U2SURP: variants seen among roughly 807,000 people sequenced by gnomAD.
The protein encoded by U2SURP is U2 snRNP-associated SURP motif-containing protein.
Under a neutral mutation model 144.9 loss-of-function variants are expected in U2SURP, and 9 were observed. That is an observed-to-expected ratio of 0.06 (90% confidence interval 0.04 to 0.11). The LOEUF (loss-of-function observed/expected upper bound fraction) is 0.11. Among genes scored for constraint, U2SURP ranks in the 10% least tolerant of loss-of-function variants. U2SURP has a pLI of 1.00. For missense variants in U2SURP, 724 were observed against 1,226.7 expected, an observed-to-expected ratio of 0.59 and a Z score of 6.12; for synonymous variants, 408 against 396.8, an observed-to-expected ratio of 1.03 and a Z score of -0.33.
Position 143,036,077 on chromosome 3 carries a change from A to G in U2SURP, c.2037A>G (p.Val679=), listed in dbSNP as rs1933794383. Residue 679 remains valine, a synonymous_variant, in exon 20 of 28, where the codon GTA becomes GTG. Coordinates refer to ENST00000473835, the MANE Select transcript of U2SURP (RefSeq NM_001080415.2). ...TACAAAATATTTTCTTAGGACTTGTAAATATTATTGAAGAAAAGGAAACAG... is the reference window on the plus strand; with the variant it reads ...TACAAAATATTTTCTTAGGACTTGTGAATATTATTGAAGAAAAGGAAACAG... ...IKLQNIFLGL[V]NIIEEKETED... 6.2e-7 allele frequency: 1 copy of G among 1,607,598 alleles called. No individual in the cohort carries two copies. Among genetic ancestry groups the G allele is most frequent in the African/African-American group, 1.3e-5 (1 of 74,674 alleles).
chr3:143,007,735 G>T (rs766067836), intron 1 of U2SURP, among the ~76,000 whole-genome samples: 65 of 152,186 alleles, frequency 4.3e-4, no homozygotes, highest in Non-Finnish European at 7.4e-4. Context: ...GAGCCACCGC[G>T]CCCGGCCGAC....
intron 23 of U2SURP, 22 bp downstream of exon 23, chr3:143,038,982 A>T: frequency 1.4e-6 from 2 of 1,453,596 alleles, no homozygotes; most frequent in Non-Finnish European, 1.9e-6. Flanking sequence ...AGTTTTGAAT[A>T]TACTGTTTCT....
rs151201584 is a variant in U2SURP, at chr3:143,051,445, C to T, written c.2655+396C>T. 2.3e-3 allele frequency among the ~76,000 whole-genome samples: 352 copies of T among 152,004 alleles called. 2 individuals carry two copies. Among genetic ancestry groups the T allele is most frequent in the African/African-American group, 8.1e-3 (334 of 41,456 alleles). On this transcript the variant is annotated intron_variant, in intron 25 of 27. Transcript: ENST00000473835. The stretch of plus-strand genomic sequence containing the variant: ...TGTTGAGAAGTTTATTTTCATTTCT[C>T]ATGGTTTCCAGGGAGGGACAGCAAG...
chr3:143,045,139 G>A (rs940692189), intron 24 of U2SURP, among the ~76,000 whole-genome samples: 1 of 152,054 alleles, frequency 6.6e-6, no homozygotes, highest in African/African-American at 2.4e-5. Flanking sequence ...GGGAGGTCGA[G>A]GCGGGTGGAT....
intron 1 of U2SURP, 121 bp downstream of exon 1, chr3:143,001,794 GC>G (rs1935539246): frequency 1.5e-6 from 2 of 1,322,240 alleles, no homozygotes; most frequent in Non-Finnish European, 2.1e-6. Flanking sequence ...GCGACGGTAG[GC>G]CCGGGCGCCG....
At chr3:143,017,721 G>C (rs1176241096) in intron 6 of U2SURP, among the ~76,000 whole-genome samples, 2 of 152,062 alleles carry the variant, frequency 1.3e-5, no homozygotes, top group African/African-American at 4.8e-5. Context: ...GTAGGCTCAG[G>C]TGGTCCTCCC....
intron 3 of U2SURP, among the ~76,000 whole-genome samples, chr3:143,013,464 A>G (rs980399968): frequency 6.6e-6 from 1 of 152,110 alleles, no homozygotes; most frequent in Admixed American, 6.5e-5. Context: ...AGGCAAGCCT[A>G]TTTAATGACT....
At chr3:143,017,184 A>G (rs1402784093) in intron 6 of U2SURP, 4 of 411,914 alleles carry the variant, frequency 9.7e-6, no homozygotes, top group African/African-American at 2.1e-5. Flanking sequence ...ATGCTTTTTG[A>G]GCAGTGAACA....
intron 1 of U2SURP, 149 bp from the exon 2 acceptor site, chr3:143,010,666 C>T (rs1262526851): frequency 6.2e-6 from 3 of 483,490 alleles, no homozygotes; most frequent in Non-Finnish European, 1.1e-5. Flanking sequence ...ACAATCTTTT[C>T]ATAAGTCAGA....
intron 19 of U2SURP, 37 bp from the exon 20 acceptor site, chr3:143,035,945 A>C: frequency 6.4e-7 from 1 of 1,561,304 alleles, no homozygotes; most frequent in Non-Finnish European, 8.6e-7. Context: ...CATATAGCCC[A>C]AAATAAAAGT....
At position 143,053,733 on chromosome 3, in the gene U2SURP, T is replaced by C. The variant is rs373100084; in HGVS notation, c.2713T>C (p.Leu905=). ...AAGAGACAAGAAAGATAAAGAAAAA[T>C]TGGAATCTCGCTCCAAAGACAAGAA... ...RERDKKDKEK[L]ESRSKDKKEK... The change falls in exon 26 of 28, where the codon TTG becomes CTG. Residue 905 remains leucine, a synonymous_variant. Coordinates refer to ENST00000473835, the MANE Select transcript of U2SURP (RefSeq NM_001080415.2). The C allele has an allele frequency of 1.1e-4, 182 of 1,607,322 alleles. No individual in the cohort carries two copies. The highest frequency in any genetic ancestry group is 1.5e-4 in the Non-Finnish European group (175 of 1,176,610).
intron 18 of U2SURP, among the ~76,000 whole-genome samples, chr3:143,033,722 G>C (rs1399173139): frequency 6.6e-6 from 1 of 152,152 alleles, no homozygotes; most frequent in African/African-American, 2.4e-5. Flanking sequence ...TTGAGCATCT[G>C]TGGATTTTGG....
At chr3:143,033,201 G>T in intron 17 of U2SURP, 70 bp from the exon 18 acceptor site, 1 of 976,950 alleles carries the variant, frequency 1.0e-6, no homozygotes. Flanking sequence ...CTAATTAGTA[G>T]CCATAATTAA....
In U2SURP at chr3:143,016,949, C is replaced by G. The variant is rs1487606995; in HGVS notation, c.544C>G (p.Leu182Val). Reference sequence around the variant, plus strand: ...GTCTTCCAATGAAAGACCACCATCTCTTCTTGTGATAGAAACCAAAAAACC... The same window carrying G: ...GTCTTCCAATGAAAGACCACCATCTGTTCTTGTGATAGAAACCAAAAAACC... ...NQSSNERPPS[L>V]LVIETKKPPL... The change falls in exon 6 of 28, where the codon CTT becomes GTT. Residue 182 changes from leucine to valine, a missense_variant. Leu to Val is a conservative substitution (Grantham distance 32). Transcript: ENST00000473835. 6.3e-7 allele frequency: 1 copy of G among 1,584,158 alleles called. No individual in the cohort carries two copies.
intron 16 of U2SURP, 114 bp from the exon 17 acceptor site, chr3:143,032,670 C>A: frequency 1.1e-6 from 1 of 935,166 alleles, no homozygotes; most frequent in Non-Finnish European, 1.6e-6. Flanking sequence ...GTATTACAGT[C>A]TTCAGAATTA....
chr3:143,038,790 C>G, intron 22 of U2SURP, 104 bp from the exon 23 acceptor site: 1 of 775,882 alleles, frequency 1.3e-6, no homozygotes, highest in East Asian at 3.3e-5. Flanking sequence ...AAAAAAACTT[C>G]TGTAATATAA....
At chr3:143,036,990 G>T in intron 20 of U2SURP, 189 bp from the exon 21 acceptor site, 1 of 568,962 alleles carries the variant, frequency 1.8e-6, no homozygotes, top group East Asian at 3.0e-5. Flanking sequence ...GTGAGCACTT[G>T]GTAAATATTA....
intron 25 of U2SURP, 91 bp from the exon 26 acceptor site, chr3:143,053,585 A>G (rs1934997113): frequency 4.3e-6 from 4 of 936,948 alleles, no homozygotes; most frequent in East Asian, 2.8e-5. Flanking sequence ...TTAAAAAATT[A>G]TTTCCTGTAA....
At chr3:143,044,729 C>T (rs543843246) in intron 24 of U2SURP, among the ~76,000 whole-genome samples, 34 of 152,284 alleles carry the variant, frequency 2.2e-4, no homozygotes, top group African/African-American at 8.2e-4. Flanking sequence ...AGTACTATCT[C>T]CCTTACTAAC....
Sources: gnomAD v4.1 joint callset for allele counts (sites outside exome capture counted in the v4.1 genomes callset) on GRCh38, gnomAD v4.1.1 for gene constraint, MANE v1.5 for transcripts, NCBI Gene and HGNC (gene_info 2026-07-23, HGNC 2026-07-21) for gene names.